The following CENPP variants were observed in gnomAD, a reference collection of about 807,000 sequenced individuals.
CENPP encodes the protein centromere protein P.
In CENPP, 24 loss-of-function variants were observed where a neutral mutation model predicts 35.6. The observed-to-expected ratio is 0.67, with a 90% CI of 0.49 to 0.95. The LOEUF (loss-of-function observed/expected upper bound fraction) is 0.95, where lower values mean the gene tolerates loss of function less well. Ranked by LOEUF, CENPP falls within the 40% of genes least tolerant of loss-of-function variation. The pLI, the probability that CENPP is intolerant of heterozygous loss-of-function variation, is 0.00. For synonymous variants in CENPP, 120 were observed against 125.5 expected (o/e 0.96, Z 0.29); for missense variants, 332 against 345.3 (o/e 0.96, Z 0.31).
intron 5 of CENPP, among the ~76,000 whole-genome samples, chr9:92,579,966 G>A (rs866157805): frequency 4.0e-5 from 6 of 148,260 alleles, no homozygotes; most frequent in Non-Finnish European, 6.0e-5. Context: ...ATTATTTTGA[G>A]ATACGTCCCA....
intron 5 of CENPP, chr9:92,496,445 TC>T: frequency 6.2e-7 from 1 of 1,609,360 alleles, no homozygotes; most frequent in Admixed American, 1.7e-5. Context: ...TGAGTCATCA[TC>T]CTCTTCAGCA....
intron 4 of CENPP, among the ~76,000 whole-genome samples, chr9:92,363,060 T>C (rs1000654134): frequency 6.6e-6 from 1 of 152,200 alleles, no homozygotes; most frequent in Admixed American, 6.5e-5. Context: ...ACAATATACC[T>C]GTCCTGCCCT....
Position 92,562,202 on chromosome 9 carries a change from C to CT in CENPP, c.565-49108dup, listed in dbSNP as rs373787447. Among the ~76,000 whole-genome samples, 1,245 of 133,422 alleles carry CT rather than the reference C, an allele frequency of 9.3e-3. 53 individuals are homozygous for CT. The highest frequency in any genetic ancestry group is 0.02 in the East Asian group (77 of 3,834). 87.5% of individuals were successfully genotyped at this position (133,422 alleles called of 152,430 possible). On this transcript the variant is annotated intron_variant, in intron 5 of 7. Transcript: ENST00000375587. ...TCTGGAACTCAGTTTTCTTTTTTTT[C>CT]TTTTCTTTTTTTTTTTTTTGAGATG...
chr9:92,425,386 T>A (rs1843937787), intron 5 of CENPP, among the ~76,000 whole-genome samples: 1 of 152,240 alleles, frequency 6.6e-6, no homozygotes, highest in Admixed American at 6.5e-5. Context: ...ATTGCCTTTA[T>A]TTTGTAGATT....
intron 5 of CENPP, among the ~76,000 whole-genome samples, chr9:92,491,139 CCAGCTACTGTA>C (rs1432785110): frequency 6.6e-6 from 1 of 152,136 alleles, no homozygotes; most frequent in Non-Finnish European, 1.5e-5. Flanking sequence ...ACCGCTCAAC[CCAGCTACTGTA>C]CAGCACCCAT....
chr9:92,526,284 C>T (rs115817777), intron 5 of CENPP, among the ~76,000 whole-genome samples: 5,580 of 152,182 alleles, frequency 0.037, 104 homozygotes, highest in Non-Finnish European at 0.043. Context: ...TACAAAATTA[C>T]GCTATAAAGA....
chr9:92,465,107 C>A, intron 5 of CENPP: 1 of 960,940 alleles, frequency 1.0e-6, no homozygotes. Context: ...AGACACATCC[C>A]AAGAATGAAT....
intron 5 of CENPP, among the ~76,000 whole-genome samples, chr9:92,577,859 T>C (rs1348206663): frequency 6.6e-6 from 1 of 151,706 alleles, no homozygotes; most frequent in Non-Finnish European, 1.5e-5. Context: ...GCAGGTTAGT[T>C]ACATATGTAT....
intron 5 of CENPP, among the ~76,000 whole-genome samples, chr9:92,437,510 A>G (rs1410265976): frequency 1.3e-5 from 2 of 151,200 alleles, no homozygotes; most frequent in African/African-American, 2.4e-5. Flanking sequence ...CCTGGGCTCA[A>G]GTAATCCTCC....
intron 5 of CENPP, among the ~76,000 whole-genome samples, chr9:92,573,150 C>T (rs1357668417): frequency 2.6e-5 from 4 of 152,214 alleles, no homozygotes; most frequent in South Asian, 2.1e-4. Context: ...CGAGGAGCTG[C>T]GTTCCTTTGG....
At chr9:92,357,726 G>A (rs1034043695) in intron 4 of CENPP, among the ~76,000 whole-genome samples, 3 of 152,024 alleles carry the variant, frequency 2.0e-5, no homozygotes, top group South Asian at 2.1e-4. Flanking sequence ...TCCGATTCCC[G>A]ACCTCAGGTG....
intron 5 of CENPP, among the ~76,000 whole-genome samples, chr9:92,565,293 TAAA>T (rs3078380): frequency 2.0e-3 from 65 of 33,142 alleles, no homozygotes; most frequent in African/African-American, 7.5e-3. Context: ...GCTGATGAGC[TAAA>T]AAAAAAAAAA....
chr9:92,503,883 T>C (rs1846835281), intron 5 of CENPP, among the ~76,000 whole-genome samples: 1 of 152,224 alleles, frequency 6.6e-6, no homozygotes, highest in African/African-American at 2.4e-5. Flanking sequence ...TAGGAAAGAA[T>C]GACATGAGAC....
chr9:92,573,940 C>T (rs1223567642), intron 5 of CENPP, among the ~76,000 whole-genome samples: 5 of 152,168 alleles, frequency 3.3e-5, no homozygotes, highest in African/African-American at 9.7e-5. Context: ...TTGCTAAGAC[C>T]GTTGGAAAAG....
intron 5 of CENPP, among the ~76,000 whole-genome samples, chr9:92,472,270 TCGCTTGAA>T (rs1485003451): frequency 3.9e-5 from 6 of 151,982 alleles, no homozygotes; most frequent in Non-Finnish European, 8.8e-5. Context: ...GTCAGGAGAA[TCGCTTGAA>T]CCCAGGAGGC....
rs997422837 is a variant in CENPP, at chr9:92,418,033, C to T, written c.564+38174C>T. 3.6e-4 allele frequency among the ~76,000 whole-genome samples: 54 copies of T among 149,692 alleles called. 1 individual carries two copies. The highest frequency in any genetic ancestry group is 6.5e-4 in the Non-Finnish European group (44 of 67,338). ...GTGAGCCACCACGCCTGGCCTCAAA[C>T]CAAAATTAATGTTTAAGTACAAATG... On this transcript the variant is annotated intron_variant, in intron 5 of 7. Coordinates refer to ENST00000375587, the MANE Select transcript of CENPP (RefSeq NM_001012267.3).
At chr9:92,549,646 C>CAAAAAAA (rs377339429) in intron 5 of CENPP, among the ~76,000 whole-genome samples, 10 of 90,558 alleles carry the variant, frequency 1.1e-4, no homozygotes, top group Middle Eastern at 6.4e-3. Flanking sequence ...GACTCCGTCT[C>CAAAAAAA]AAAAAAAAAA....
intron 7 of CENPP, 45 bp from the exon 8 acceptor site, chr9:92,612,972 AGC>A (rs770723429): frequency 2.5e-6 from 4 of 1,611,290 alleles, no homozygotes; most frequent in Non-Finnish European, 3.4e-6. Context: ...AAAGACCAAA[AGC>A]TGCCACCTTG....
chr9:92,382,798 T>C (rs937253671), intron 5 of CENPP, among the ~76,000 whole-genome samples: 1 of 152,050 alleles, frequency 6.6e-6, no homozygotes, highest in African/African-American at 2.4e-5. Context: ...TGTTGAAAAG[T>C]ATCTGACCCT....
Sources: allele counts gnomAD v4.1 joint callset (sites outside exome capture counted in the v4.1 genomes callset), GRCh38; gene constraint gnomAD v4.1.1; transcripts MANE v1.5; gene names NCBI Gene and HGNC (gene_info 2026-07-23, HGNC 2026-07-21).